The following TEX14 variants were observed in gnomAD, a reference collection of about 807,000 sequenced individuals.
TEX14 encodes inactive serine/threonine-protein kinase TEX14.
Under a neutral mutation model 178.6 loss-of-function variants are expected in TEX14, and 168 were observed. The ratio of observed to expected loss-of-function variants is 0.94; its 90% CI spans 0.83 to 1.07. TEX14 has a LOEUF of 1.07. TEX14 is among the 50% of genes least tolerant of loss of function. The pLI is 0.00. For synonymous variants in TEX14, 626 were observed against 634.1 expected (o/e 0.99, Z 0.19); for missense variants, 1,730 against 1,753.6 (o/e 0.99, Z 0.24).
intron 1 of TEX14, among the ~76,000 whole-genome samples, chr17:58,656,462 C>CA (rs1245868609): frequency 2.0e-5 from 3 of 148,168 alleles, no homozygotes; most frequent in African/African-American, 7.5e-5. Flanking sequence ...CAAAACAAAA[C>CA]AAAAACCAAA....
chr17:58,654,797 G>A (rs541399599), intron 1 of TEX14, among the ~76,000 whole-genome samples: 7 of 151,934 alleles, frequency 4.6e-5, no homozygotes, highest in South Asian at 2.1e-4. Flanking sequence ...GTGAGCCACC[G>A]CACCTGGCCA....
rs183983421 is a variant in TEX14, at chr17:58,611,066, T to C, written c.1184+95A>G. 1.9e-3 allele frequency: 1,661 copies of C among 870,920 alleles called. 25 individuals are homozygous for C. The highest frequency in any genetic ancestry group is 2.4e-4 in the Middle Eastern group (1 of 4,236). The allele number at this position is 870,920 out of a possible 1,614,324, so 53.9% of individuals were successfully genotyped here. A position where few individuals can be genotyped will look rare whatever the true frequency, so the allele number is the denominator to read the frequency against. On this transcript the variant is annotated intron_variant, in intron 10 of 31. Transcript: ENST00000349033. ...CTGATGAACAGGTTCATCTCACCAA[T>C]GAGGAGTCCCACCCAGATCAGATTC... is the stretch of plus-strand genomic sequence containing the variant.
chr17:58,593,201 AC>A (rs563533192), intron 15 of TEX14, among the ~76,000 whole-genome samples: 53 of 152,216 alleles, frequency 3.5e-4, no homozygotes, highest in Non-Finnish European at 6.0e-4. Flanking sequence ...ACTTTAAACA[AC>A]CCTGGTTTCC....
At chr17:58,639,893 T>G (rs2046533647) in intron 2 of TEX14, among the ~76,000 whole-genome samples, 1 of 152,224 alleles carries the variant, frequency 6.6e-6, no homozygotes, top group Admixed American at 6.5e-5. Context: ...AAAAGAACTC[T>G]GGTTCTTATG....
intron 1 of TEX14, among the ~76,000 whole-genome samples, 190 bp from the exon 2 acceptor site, chr17:58,652,192 A>G (rs1329866743): frequency 6.6e-6 from 1 of 152,170 alleles, no homozygotes; most frequent in Non-Finnish European, 1.5e-5. Flanking sequence ...GAACTTGAAT[A>G]TACTGTTGAA....
At position 58,583,319 on chromosome 17, in the gene TEX14, T is replaced by TG. The variant is rs538939009; in HGVS notation, c.3171+1180dup. Among the ~76,000 whole-genome samples the TG allele has an allele frequency of 1.3e-3, 204 of 152,112 alleles. 1 individual carries two copies. The highest frequency in any genetic ancestry group is 0.012 in the South Asian group (57 of 4,806). The stretch of plus-strand genomic sequence containing the variant: ...CTAACTTTTGTATCTTTTGTAGAGA[T>TG]GGGGTCTTGCCATGTTGCCAAGGCT... On this transcript the variant is annotated intron_variant, in intron 19 of 31. Coordinates refer to ENST00000349033, the MANE Select transcript of TEX14 (RefSeq NM_031272.5).
intron 10 of TEX14, among the ~76,000 whole-genome samples, chr17:58,606,918 C>T (rs1339523757): frequency 6.7e-6 from 1 of 149,650 alleles, no homozygotes; most frequent in Non-Finnish European, 1.5e-5. Flanking sequence ...ATGCCAGCTA[C>T]TCAGGAGGCT....
intron 26 of TEX14, among the ~76,000 whole-genome samples, chr17:58,567,379 G>C (rs529952839): frequency 3.9e-5 from 6 of 152,204 alleles, no homozygotes; most frequent in Non-Finnish European, 8.8e-5. Context: ...TGCAGTGCAG[G>C]AAGCAGTCCT....
intron 1 of TEX14, among the ~76,000 whole-genome samples, chr17:58,682,456 C>T (rs1008527444): frequency 5.9e-5 from 9 of 151,674 alleles, no homozygotes; most frequent in African/African-American, 2.2e-4. Flanking sequence ...TGGGTTTTTG[C>T]CATGTTGGCG....
intron 1 of TEX14, among the ~76,000 whole-genome samples, chr17:58,684,307 C>A (rs571888592): frequency 5.5e-4 from 84 of 151,688 alleles, no homozygotes; most frequent in Non-Finnish European, 9.4e-4. Flanking sequence ...ACTAAAAATA[C>A]AAAAATTAGT....
chr17:58,656,208 C>A (rs952343296), intron 1 of TEX14, among the ~76,000 whole-genome samples: 2 of 151,632 alleles, frequency 1.3e-5, no homozygotes, highest in Non-Finnish European at 2.9e-5. Context: ...CTTTGGGAGG[C>A]CAAGGCGGGT....
chr17:58,613,610 G>T, intron 8 of TEX14, 66 bp from the exon 9 acceptor site: 1 of 1,544,352 alleles, frequency 6.5e-7, no homozygotes. Context: ...AATGAGCGTA[G>T]GCCTTTTGAA....
At chr17:58,681,456 AAAG>A (rs1345525378) in intron 1 of TEX14, among the ~76,000 whole-genome samples, 2 of 152,112 alleles carry the variant, frequency 1.3e-5, no homozygotes, top group African/African-American at 4.8e-5. Context: ...TTTCCTTTTC[AAAG>A]AAGTATTATG....
chr17:58,595,488 G>A (rs988835139), intron 14 of TEX14, among the ~76,000 whole-genome samples: 1 of 152,206 alleles, frequency 6.6e-6, no homozygotes, highest in Non-Finnish European at 1.5e-5. Flanking sequence ...AGAAAGCAGC[G>A]AAAGTGATAC....
At chr17:58,563,699 A>AGC (rs1567989089) in intron 28 of TEX14, among the ~76,000 whole-genome samples, 2 of 19,480 alleles carry the variant, frequency 1.0e-4, no homozygotes, top group Non-Finnish European at 1.9e-4. Flanking sequence ...AGAGAGAGAG[A>AGC]GAGCGCAAGA....
In TEX14 at chr17:58,575,860, T is replaced by C. The variant is rs1053313370; in HGVS notation, c.3320+1515A>G. Among the ~76,000 whole-genome samples the C allele has an allele frequency of 2.6e-5, 4 of 152,334 alleles. No homozygotes were observed. The East Asian group carries it at 5.8e-4, about 22-fold the overall frequency. ...AAATTTGGGAGTTGTTTACTATATA[T>C]AGCATAATCTAGTCTATCCTGACTG... On this transcript the variant is annotated intron_variant, in intron 21 of 31. Transcript: ENST00000349033.
At chr17:58,648,565 A>T (rs2046765796) in intron 2 of TEX14, among the ~76,000 whole-genome samples, 1 of 151,936 alleles carries the variant, frequency 6.6e-6, no homozygotes, top group Admixed American at 6.6e-5. Flanking sequence ...TTGCCTCCTC[A>T]ACTCCAGGGA....
At chr17:58,650,329 G>A (rs747957540) in intron 2 of TEX14, among the ~76,000 whole-genome samples, 10 of 152,184 alleles carry the variant, frequency 6.6e-5, no homozygotes, top group Non-Finnish European at 1.0e-4. Context: ...TGGGATTACA[G>A]GTGTGAGTCA....
chr17:58,637,044 C>T (rs371934530), intron 2 of TEX14, among the ~76,000 whole-genome samples: 9 of 151,828 alleles, frequency 5.9e-5, no homozygotes, highest in South Asian at 2.1e-4. Flanking sequence ...CTGGCGAACA[C>T]GGTGAAACCC....
Sources: gnomAD v4.1 joint callset for allele counts (sites outside exome capture counted in the v4.1 genomes callset) on GRCh38, gnomAD v4.1.1 for gene constraint, MANE v1.5 for transcripts, NCBI Gene and HGNC (gene_info 2026-07-23, HGNC 2026-07-21) for gene names.